Variants in COL24A1 observed in about 807,000 individuals in gnomAD.
The protein encoded by COL24A1 is collagen type XXIV alpha 1 chain, also known as collagen alpha-1(XXIV) chain.
COL24A1 carries 224 observed loss-of-function variants against 253.9 expected under a neutral mutation model. The observed-to-expected ratio is 0.88, with a 90% CI of 0.79 to 0.99. The LOEUF is 0.99. COL24A1 is among the 50% of genes least tolerant of loss of function. The pLI is 0.00. For missense variants in COL24A1, 2,131 were observed against 2,068.5 expected, an observed-to-expected ratio of 1.03 and a Z score of -0.59; for synonymous variants, 685 against 673.7, an observed-to-expected ratio of 1.02 and a Z score of -0.26.
At chr1:85,895,326 C>T (rs1683566286) in intron 31 of COL24A1, among the ~76,000 whole-genome samples, 1 of 152,096 alleles carries the variant, frequency 6.6e-6, no homozygotes, top group African/African-American at 2.4e-5. Flanking sequence ...CATGAAGACA[C>T]ACACAGCTCT....
intron 1 of COL24A1, among the ~76,000 whole-genome samples, chr1:86,153,268 C>T (rs1465907238): frequency 8.1e-6 from 1 of 123,448 alleles, no homozygotes; most frequent in African/African-American, 3.0e-5. Flanking sequence ...CCTCTCATTT[C>T]GTTATACTTG....
At chr1:86,154,570 C>T (rs552382198) in intron 1 of COL24A1, 1 of 152,734 alleles carries the variant, frequency 6.5e-6, no homozygotes. Context: ...CTCCCTCCCC[C>T]CAAATCATCT....
chr1:85,947,738 T>G (rs772249174), intron 24 of COL24A1, among the ~76,000 whole-genome samples: 10 of 152,216 alleles, frequency 6.6e-5, no homozygotes, highest in African/African-American at 9.6e-5. Flanking sequence ...TATAACATTC[T>G]AATCCAGGCT....
chr1:85,798,958 T>C (rs1211822606), intron 47 of COL24A1, among the ~76,000 whole-genome samples: 1 of 152,192 alleles, frequency 6.6e-6, no homozygotes, highest in Admixed American at 6.5e-5. Flanking sequence ...AAAAGTTGTT[T>C]TGCTTTTTCC....
chr1:86,004,546 T>A (rs1394285742), intron 19 of COL24A1, among the ~76,000 whole-genome samples: 1 of 151,776 alleles, frequency 6.6e-6, no homozygotes. Context: ...GTACTACCCT[T>A]TAGAACACAG....
At chr1:86,062,398 G>GT (rs55641534) in intron 8 of COL24A1, among the ~76,000 whole-genome samples, 23,821 of 147,960 alleles carry the variant, frequency 0.16, 2,112 homozygotes, top group Middle Eastern at 0.25. Flanking sequence ...AATTTTGCCT[G>GT]TTTTTTTTTT....
At chr1:85,949,778 A>G (rs897318744) in intron 24 of COL24A1, among the ~76,000 whole-genome samples, 1 of 152,140 alleles carries the variant, frequency 6.6e-6, no homozygotes, top group Non-Finnish European at 1.5e-5. Context: ...AAATATTACT[A>G]TAAATTCAAT....
intron 37 of COL24A1, among the ~76,000 whole-genome samples, chr1:85,851,267 A>G (rs1185475438): frequency 6.6e-6 from 1 of 151,860 alleles, no homozygotes; most frequent in African/African-American, 2.4e-5. Context: ...TTTTGTTTTG[A>G]AATTACTGTG....
At position 85,816,752 on chromosome 1, in the gene COL24A1, G is replaced by C. The variant is rs747384781; in HGVS notation, c.3951+36C>G. On this transcript the variant is annotated intron_variant, in intron 47 of 59. Transcript: ENST00000370571. ...GGTCTAGCAAGGAGACACATGCATA[G>C]GAAATAATGAGCAAAGAGATATCCG... 3.2e-6 allele frequency: 5 copies of C among 1,542,432 alleles called. No individual in the cohort carries two copies. In the South Asian group the frequency reaches 3.3e-5, roughly 10 times the overall value.
Position 85,853,105 on chromosome 1 carries a change from A to G in COL24A1, c.3301-3699T>C, listed in dbSNP as rs576963970. ...CATAATATCTGATAGGCAGTTTTTCAGTCCTCACCCTCCTCCCACCCTTCA... is the reference window on the plus strand; with the variant it reads ...CATAATATCTGATAGGCAGTTTTTCGGTCCTCACCCTCCTCCCACCCTTCA... On this transcript the variant is annotated intron_variant, in intron 37 of 59. Transcript: ENST00000370571. 1.2e-4 allele frequency among the ~76,000 whole-genome samples: 18 copies of G among 152,272 alleles called. No homozygotes were observed. The Middle Eastern group carries it at 0.01, about 86-fold the overall frequency.
At chr1:85,833,921 A>T (rs1372783917) in intron 43 of COL24A1, among the ~76,000 whole-genome samples, 2 of 139,902 alleles carry the variant, frequency 1.4e-5, no homozygotes, top group East Asian at 4.6e-4. Flanking sequence ...AACAATGAGA[A>T]CACTGGGACA....
Position 86,125,313 on chromosome 1 carries a change from T to C in COL24A1, c.1023A>G (p.Glu341=). The C allele has an allele frequency of 1.9e-6, 3 of 1,613,684 alleles. No homozygotes were observed. Among genetic ancestry groups the C allele is most frequent in the Non-Finnish European group, 2.5e-6 (3 of 1,179,788 alleles). The change falls in exon 3 of 60, where the codon GAA becomes GAG. Residue 341 remains glutamate (E), a synonymous_variant. Transcript: ENST00000370571. ...GIQAKEMITE[E]DTQTNFSLSV... ...ACAGGCTGAAATTTGTCTGAGTATC[T>C]TCCTCAGTGATCATTTCTTTGGCCT... is the stretch of plus-strand genomic sequence containing the variant.
chr1:86,052,573 A>T (rs566633735), intron 10 of COL24A1, among the ~76,000 whole-genome samples: 1 of 151,998 alleles, frequency 6.6e-6, no homozygotes, highest in Non-Finnish European at 1.5e-5. Flanking sequence ...GTTGCCAGGG[A>T]CTGGGAGTGG....
intron 10 of COL24A1, among the ~76,000 whole-genome samples, chr1:86,051,455 C>T (rs554429482): frequency 5.9e-5 from 9 of 151,930 alleles, no homozygotes; most frequent in Admixed American, 5.2e-4. Context: ...GAGCTAAGTC[C>T]TGAAGAAAAG....
intron 47 of COL24A1, among the ~76,000 whole-genome samples, chr1:85,805,178 C>T (rs2101826214): frequency 6.6e-6 from 1 of 152,230 alleles, no homozygotes; most frequent in South Asian, 2.1e-4. Flanking sequence ...TAGATGTATT[C>T]CCTGTAACAT....
chr1:86,083,064 G>T (rs1294546415), intron 7 of COL24A1, among the ~76,000 whole-genome samples: 1 of 152,032 alleles, frequency 6.6e-6, no homozygotes, highest in Non-Finnish European at 1.5e-5. Flanking sequence ...TTGGGAGGCC[G>T]AGGCGGGCGA....
chr1:85,843,696 G>C (rs1352519310), intron 39 of COL24A1, among the ~76,000 whole-genome samples: 1 of 152,118 alleles, frequency 6.6e-6, no homozygotes, highest in Non-Finnish European at 1.5e-5. Flanking sequence ...AGGTTCAGGT[G>C]ACTAACTGGG....
intron 5 of COL24A1, among the ~76,000 whole-genome samples, chr1:86,105,817 T>C (rs1704928991): frequency 6.6e-6 from 1 of 152,142 alleles, no homozygotes; most frequent in Non-Finnish European, 1.5e-5. Flanking sequence ...TGAAAGCAGG[T>C]TGCTCCTTGC....
chr1:86,123,448 T>C (rs980005746), intron 3 of COL24A1, among the ~76,000 whole-genome samples: 71 of 152,052 alleles, frequency 4.7e-4, no homozygotes, highest in Non-Finnish European at 1.8e-4. Context: ...TAAATGTACT[T>C]CCTTTATCTT....
Sources: allele counts gnomAD v4.1 joint callset (sites outside exome capture counted in the v4.1 genomes callset), GRCh38; gene constraint gnomAD v4.1.1; transcripts MANE v1.5; gene names NCBI Gene and HGNC (gene_info 2026-07-23, HGNC 2026-07-21).